The following CDK1 variants were observed in gnomAD, a reference collection of about 807,000 sequenced individuals.
CDK1 encodes the protein cyclin-dependent kinase 1.
Under a neutral mutation model 34.6 loss-of-function variants are expected in CDK1, and 5 were observed. The observed-to-expected ratio is 0.14, with a 90% CI of 0.08 to 0.30. The LOEUF (loss-of-function observed/expected upper bound fraction) is 0.30. Among genes scored for constraint, CDK1 ranks in the 10% least tolerant of loss-of-function variants. The pLI, the probability that CDK1 is intolerant of heterozygous loss-of-function variation, is 1.00. For synonymous variants in CDK1, 108 were observed against 114.7 expected, an observed-to-expected ratio of 0.94 and a Z score of 0.37; for missense variants, 157 against 345.7, an observed-to-expected ratio of 0.45 and a Z score of 4.33.
intron 1 of CDK1, among the ~76,000 whole-genome samples, chr10:60,779,801 C>G (rs1023684070): frequency 3.9e-5 from 6 of 152,154 alleles, no homozygotes; most frequent in Admixed American, 1.3e-4. Flanking sequence ...CACGCAGGTA[C>G]TACTTTAAAG....
chr10:60,788,335 CTG>C (rs1452756985), intron 5 of CDK1, 105 bp downstream of exon 5: 5 of 805,032 alleles, frequency 6.2e-6, no homozygotes, highest in Non-Finnish European at 9.3e-6. Context: ...GATATCTACT[CTG>C]TGGCAGTATC....
chr10:60,786,332 A>T (rs2080315762), intron 4 of CDK1: 11 of 757,782 alleles, frequency 1.5e-5, no homozygotes, highest in African/African-American at 1.9e-5. Flanking sequence ...GTATATAAAG[A>T]TTTTTTTTTT....
chr10:60,785,899 A>C, intron 4 of CDK1, 112 bp downstream of exon 4: 1 of 1,340,392 alleles, frequency 7.5e-7, no homozygotes, highest in Non-Finnish European at 9.6e-7. Flanking sequence ...TTAGAATAAG[A>C]AAAAGTATTT....
At chr10:60,791,508 T>G (rs898080409) in intron 5 of CDK1, among the ~76,000 whole-genome samples, 4 of 152,138 alleles carry the variant, frequency 2.6e-5, no homozygotes, top group Admixed American at 2.6e-4. Flanking sequence ...TCATGTTTCT[T>G]ATTCATGTTA....
intron 2 of CDK1, among the ~76,000 whole-genome samples, chr10:60,783,756 C>G (rs977769160): frequency 2.6e-5 from 4 of 152,142 alleles, no homozygotes; most frequent in Non-Finnish European, 4.4e-5. Context: ...TCCCTGCTAT[C>G]CCTTATAATT....
At chr10:60,779,806 T>C (rs970306512) in intron 1 of CDK1, among the ~76,000 whole-genome samples, 1 of 152,170 alleles carries the variant, frequency 6.6e-6, no homozygotes, top group African/African-American at 2.4e-5. Context: ...AGGTACTACT[T>C]TAAAGTGTCA....
At chr10:60,787,518 T>G (rs534842296) in intron 4 of CDK1, among the ~76,000 whole-genome samples, 1 of 152,228 alleles carries the variant, frequency 6.6e-6, no homozygotes, top group East Asian at 1.9e-4. Flanking sequence ...CCATGCTACT[T>G]CAGATGTCAA....
At chr10:60,781,335 A>G (rs2080271031) in intron 2 of CDK1, among the ~76,000 whole-genome samples, 1 of 152,206 alleles carries the variant, frequency 6.6e-6, no homozygotes, top group South Asian at 2.1e-4. Flanking sequence ...AGCAGTTAAA[A>G]GAATGTAATT....
chr10:60,788,674 G>A (rs1324287827), intron 5 of CDK1, among the ~76,000 whole-genome samples: 3 of 151,804 alleles, frequency 2.0e-5, no homozygotes, highest in Non-Finnish European at 4.4e-5. Context: ...TGTTCCTTAA[G>A]GTATATTATT....
chr10:60,788,233 A>ACTCTGGTAC lies in CDK1; in HGVS notation c.489+3_489+4insCTCTGGTAC. 1.9e-6 allele frequency: 3 copies of ACTCTGGTAC among 1,578,996 alleles called. No homozygotes were observed. The highest frequency in any genetic ancestry group is 1.8e-5 in the Admixed American group (1 of 55,624). On this transcript the variant is annotated splice_donor_region_variant and intron_variant, in intron 5 of 7. Coordinates refer to ENST00000395284, the MANE Select transcript of CDK1 (RefSeq NM_001786.5). ...CTATCAGAGTATATACACATGAGGC[A>ACTCTGGTAC]AGTGGAATAGTGGTTTTTGATGGCT...
intron 2 of CDK1, among the ~76,000 whole-genome samples, chr10:60,783,796 A>G (rs974450583): frequency 9.9e-5 from 15 of 152,192 alleles, no homozygotes; most frequent in Non-Finnish European, 1.3e-4. Context: ...TGAAGCCCAT[A>G]TATCAAAATC....
intron 3 of CDK1, 116 bp from the exon 4 acceptor site, chr10:60,785,548 C>G (rs2080308485): frequency 4.7e-6 from 3 of 644,124 alleles, no homozygotes; most frequent in Non-Finnish European, 5.4e-6. Context: ...AGGGAAGCTA[C>G]TACGTCTTCC....
intron 2 of CDK1, among the ~76,000 whole-genome samples, chr10:60,783,154 A>G (rs1188141262): frequency 6.6e-6 from 1 of 152,164 alleles, no homozygotes; most frequent in East Asian, 1.9e-4. Flanking sequence ...TTACATCCAA[A>G]AAAATGTAGA....
chr10:60,789,132 A>G (rs764505241), intron 5 of CDK1, among the ~76,000 whole-genome samples: 30 of 152,070 alleles, frequency 2.0e-4, no homozygotes, highest in Non-Finnish European at 3.5e-4. Flanking sequence ...ATTATTATAC[A>G]TATTTATGGG....
intron 7 of CDK1, among the ~76,000 whole-genome samples, chr10:60,793,367 C>T (rs957059942): frequency 3.3e-5 from 5 of 151,994 alleles, no homozygotes; most frequent in South Asian, 2.1e-4. Flanking sequence ...CTTTTTCTGG[C>T]GCGTAAACTA....
chr10:60,786,034 T>C, intron 4 of CDK1: 3 of 1,095,616 alleles, frequency 2.7e-6, no homozygotes, highest in African/African-American at 1.6e-5. Context: ...TGTTGGAAGC[T>C]AGGGTAGTCT....
chr10:60,788,946 A>G (rs2080336839), intron 5 of CDK1, among the ~76,000 whole-genome samples: 2 of 152,042 alleles, frequency 1.3e-5, no homozygotes, highest in African/African-American at 4.8e-5. Context: ...AACTAAGATT[A>G]TTTTGTTTTC....
chr10:60,794,606 A>C lies in CDK1; in HGVS notation c.*631A>C, dbSNP rs1209742470. 1.3e-5 allele frequency: 2 copies of C among 152,158 alleles called. No individual in the cohort carries two copies. Among genetic ancestry groups the C allele is most frequent in the East Asian group, 3.8e-4 (2 of 5,196 alleles). 9.4% of individuals were successfully genotyped at this position (152,158 alleles called of 1,614,324 possible). ...ACAAAGATCAAGGGCTGTCCGCAAC[A>C]GGGAAGAACAGTTTTGAAAATTTAT... On this transcript the variant is annotated 3_prime_UTR_variant, in exon 8 of 8. Coordinates refer to ENST00000395284, the MANE Select transcript of CDK1 (RefSeq NM_001786.5).
At chr10:60,791,615 G>T (rs1480427025) in intron 5 of CDK1, among the ~76,000 whole-genome samples, 2 of 152,040 alleles carry the variant, frequency 1.3e-5, no homozygotes, top group African/African-American at 4.8e-5. Flanking sequence ...GTTTTTCAGT[G>T]GGGGGAAGAT....
Sources: allele counts gnomAD v4.1 joint callset (sites outside exome capture counted in the v4.1 genomes callset), GRCh38; gene constraint gnomAD v4.1.1; transcripts MANE v1.5; gene names NCBI Gene and HGNC (gene_info 2026-07-23, HGNC 2026-07-21).